PRPF3: variants seen among roughly 807,000 people sequenced by gnomAD.
PRPF3 encodes the protein U4/U6 small nuclear ribonucleoprotein Prp3.
Under a neutral mutation model 89.2 loss-of-function variants are expected in PRPF3, and 3 were observed. The observed-to-expected ratio is 0.03, with a 90% CI of 0.02 to 0.09. The LOEUF is 0.09. Among genes scored for constraint, PRPF3 ranks in the 10% least tolerant of loss-of-function variants. PRPF3 has a pLI of 1.00. For synonymous variants in PRPF3, 270 were observed against 289.1 expected, an observed-to-expected ratio of 0.93 and a Z score of 0.67; for missense variants, 463 against 828.8, an observed-to-expected ratio of 0.56 and a Z score of 5.42.
chr1:150,336,242 G>T (rs1656981041), intron 7 of PRPF3, among the ~76,000 whole-genome samples: 1 of 152,068 alleles, frequency 6.6e-6, no homozygotes, highest in Admixed American at 6.6e-5. Context: ...GTGCAACATA[G>T]CCCCCTCACA....
intron 12 of PRPF3, 101 bp downstream of exon 12, chr1:150,344,648 A>G: frequency 1.6e-6 from 2 of 1,240,482 alleles, no homozygotes; most frequent in Non-Finnish European, 2.3e-6. Flanking sequence ...ACCTAACACC[A>G]GTTCCTACTC....
intron 7 of PRPF3, among the ~76,000 whole-genome samples, chr1:150,335,534 C>T (rs60730811): frequency 0.048 from 7,252 of 152,200 alleles, 433 homozygotes; most frequent in African/African-American, 0.13. Flanking sequence ...GGGGCGATCT[C>T]GGCTTGCTGC....
At chr1:150,325,256 C>T (rs1553863423) in intron 2 of PRPF3, among the ~76,000 whole-genome samples, 169 bp downstream of exon 2, 1 of 152,098 alleles carries the variant, frequency 6.6e-6, no homozygotes, top group Non-Finnish European at 1.5e-5. Context: ...TGCTTTTTCT[C>T]TTAATTGCTT....
chr1:150,325,218 T>A, intron 2 of PRPF3, 131 bp downstream of exon 2: 1 of 1,030,304 alleles, frequency 9.7e-7, no homozygotes, highest in Non-Finnish European at 1.4e-6. Context: ...TCACCTGTAT[T>A]ATAGTGAAAA....
Position 150,325,149 on chromosome 1 carries a change from C to T in PRPF3, c.145+62C>T, listed in dbSNP as rs587628280. On this transcript the variant is annotated intron_variant, in intron 2 of 15. Coordinates refer to ENST00000324862, the MANE Select transcript of PRPF3 (RefSeq NM_004698.4). ...GGGTGACCCCAAACACTGCTTTGAA[C>T]TTCCTCAAAATTCTCTCTGTTGGGA... The T allele has an allele frequency of 8.2e-6, 13 of 1,579,044 alleles. No homozygotes were observed. The East Asian group carries it at 2.7e-4, about 33-fold the overall frequency.
intron 10 of PRPF3, 139 bp downstream of exon 10, chr1:150,343,591 CTACCATCTTTTCATATTA>C: frequency 8.3e-7 from 1 of 1,203,804 alleles, no homozygotes; most frequent in East Asian, 2.6e-5. Flanking sequence ...TCCAAGTTTT[CTACCATCTTTTCATATTA>C]AGATAGGTCA....
intron 3 of PRPF3, chr1:150,327,700 C>T (rs1655881225): frequency 1.1e-6 from 1 of 890,122 alleles, no homozygotes; most frequent in African/African-American, 1.8e-5. Context: ...TGGCCACTCT[C>T]GGTCCTGTTA....
chr1:150,335,392 G>A, intron 7 of PRPF3, 151 bp downstream of exon 7: 2 of 924,296 alleles, frequency 2.2e-6, no homozygotes, highest in Admixed American at 2.2e-5. Context: ...CTTGTTTCAT[G>A]GAAGATAATT....
intron 15 of PRPF3, among the ~76,000 whole-genome samples, chr1:150,349,876 T>A (rs1191512694): frequency 1.5e-4 from 7 of 46,758 alleles, no homozygotes; most frequent in African/African-American, 4.3e-4. Context: ...CATGTATATC[T>A]TTTTTTGGGG....
chr1:150,334,643 A>G (rs1464697835), intron 6 of PRPF3, among the ~76,000 whole-genome samples: 4 of 151,736 alleles, frequency 2.6e-5, no homozygotes, highest in African/African-American at 9.7e-5. Flanking sequence ...TCTTATAGAG[A>G]AGGCACTGCA....
intron 4 of PRPF3, among the ~76,000 whole-genome samples, chr1:150,331,601 G>GTGA (rs1656404717): frequency 6.6e-6 from 1 of 151,882 alleles, no homozygotes; most frequent in African/African-American, 2.4e-5. Flanking sequence ...CTGACCTCAA[G>GTGA]TGATTCGCCC....
At chr1:150,339,320 C>G (rs1192266997) in intron 8 of PRPF3, among the ~76,000 whole-genome samples, 1 of 150,582 alleles carries the variant, frequency 6.6e-6, no homozygotes, top group Non-Finnish European at 1.5e-5. Flanking sequence ...GTGCTGCAGT[C>G]AGCTATGATC....
intron 8 of PRPF3, among the ~76,000 whole-genome samples, chr1:150,339,063 A>G (rs1387727757): frequency 6.6e-6 from 1 of 152,012 alleles, no homozygotes; most frequent in Admixed American, 6.6e-5. Context: ...TAGGTGAGAT[A>G]ATAGTAAATA....
intron 15 of PRPF3, among the ~76,000 whole-genome samples, chr1:150,350,159 G>A (rs1260541619): frequency 6.6e-6 from 1 of 150,826 alleles, no homozygotes; most frequent in Non-Finnish European, 1.5e-5. Flanking sequence ...GCCTCCCAAA[G>A]TGCTGGGATT....
intron 9 of PRPF3, among the ~76,000 whole-genome samples, chr1:150,342,480 T>A (rs1352756440): frequency 2.0e-5 from 3 of 151,542 alleles, no homozygotes; most frequent in Non-Finnish European, 4.4e-5. Flanking sequence ...TTAACGAGTT[T>A]TCTTCATTTT....
At chr1:150,324,867 C>T in intron 1 of PRPF3, 28 bp from the exon 2 acceptor site, 1 of 1,504,086 alleles carries the variant, frequency 6.6e-7, no homozygotes, top group Non-Finnish European at 9.0e-7. Flanking sequence ...TTTTCTTATT[C>T]TCTAACTTGT....
At chr1:150,341,562 C>T (rs1179665188) in intron 9 of PRPF3, among the ~76,000 whole-genome samples, 15 of 151,972 alleles carry the variant, frequency 9.9e-5, no homozygotes, top group Non-Finnish European at 1.6e-4. Flanking sequence ...TGTGCCACCA[C>T]GCCCAGCTAA....
At chr1:150,331,589 T>A (rs187656427) in intron 4 of PRPF3, among the ~76,000 whole-genome samples, 143 of 151,942 alleles carry the variant, frequency 9.4e-4, no homozygotes, top group African/African-American at 3.3e-3. Flanking sequence ...GGTCTTCAGC[T>A]CCTGACCTCA....
chr1:150,332,598 C>T (rs1337950213), intron 4 of PRPF3, 86 bp from the exon 5 acceptor site: 32 of 1,290,694 alleles, frequency 2.5e-5, no homozygotes, highest in Non-Finnish European at 1.2e-5. Context: ...GTGTCTAGAC[C>T]TGAGAGCCTT....
Sources: allele counts gnomAD v4.1 joint callset (sites outside exome capture counted in the v4.1 genomes callset), GRCh38; gene constraint gnomAD v4.1.1; transcripts MANE v1.5; gene names NCBI Gene and HGNC (gene_info 2026-07-23, HGNC 2026-07-21).